Variants in MED1 observed in about 807,000 individuals in gnomAD.
The protein encoded by MED1 is mediator complex subunit 1, also known as mediator of RNA polymerase II transcription subunit 1.
Under a neutral mutation model 121.3 loss-of-function variants are expected in MED1, and 17 were observed. That is an observed-to-expected ratio of 0.14 (90% confidence interval 0.10 to 0.21). The LOEUF is 0.21. MED1 is among the 10% of genes least tolerant of loss of function. The pLI is 1.00. For synonymous variants in MED1, 661 were observed against 694.4 expected (o/e 0.95, Z 0.76); for missense variants, 1,558 against 1,919.4 (o/e 0.81, Z 3.52).
intron 2 of MED1, 134 bp downstream of exon 2, chr17:39,447,664 G>A: frequency 1.8e-6 from 1 of 559,304 alleles, no homozygotes; most frequent in Non-Finnish European, 3.2e-6. Context: ...AGATACAATA[G>A]ACTCCTAAAG....
At chr17:39,423,271 T>G (rs528433988) in intron 13 of MED1, 56 bp downstream of exon 13, 1 of 1,278,160 alleles carries the variant, frequency 7.8e-7, no homozygotes, top group East Asian at 2.3e-5. Context: ...AGGAAGATTA[T>G]GATCTTGGGT....
Position 39,405,344 on chromosome 17 carries a change from G to GA in MED1, c.*2130_*2131insT, listed in dbSNP as rs1430019038. 2 of 1,591,282 alleles carry GA rather than the reference G, an allele frequency of 1.3e-6. No individual in the cohort carries two copies. The highest frequency in any genetic ancestry group is 2.7e-5 in the African/African-American group (2 of 74,610). The stretch of plus-strand genomic sequence containing the variant: ...GACAGAAAGAGAGAAAAGCTTCCCA[G>GA]TTTACTCATTTTGGTATTTGTTGGC... On this transcript the variant is annotated 3_prime_UTR_variant, in exon 17 of 17. Transcript: ENST00000300651.
Position 39,408,320 on chromosome 17 carries a change from GCTT to G in MED1, c.3898_3900del (p.Lys1300del). ...TTATCTATGACAGCTGTCAAGGACG[GCTT>G]CTTGTTTCTGCTGGGAGATTTTCCT... On this transcript the variant is annotated inframe_deletion, in exon 17 of 17. Transcript: ENST00000300651. This position sits in a 1 kb window ranked among gnomAD's most constrained non-coding sequence, Gnocchi z 4.7. The G allele has an allele frequency of 1.2e-6, 2 of 1,614,140 alleles. No homozygotes were observed. The highest frequency in any genetic ancestry group is 8.5e-7 in the Non-Finnish European group (1 of 1,180,024).
At chr17:39,430,863 G>A (rs1165080969) in intron 9 of MED1, among the ~76,000 whole-genome samples, 1 of 151,600 alleles carries the variant, frequency 6.6e-6, no homozygotes, top group Non-Finnish European at 1.5e-5. Flanking sequence ...ACCAACAATA[G>A]AATAAATTAG....
At chr17:39,422,445 A>G (rs71369760) in intron 13 of MED1, among the ~76,000 whole-genome samples, 7,285 of 141,594 alleles carry the variant, frequency 0.051, 602 homozygotes, top group African/African-American at 0.18. Flanking sequence ...GGGATTAGAC[A>G]TGTGAAACAC....
rs1169480042 is a variant in MED1 at position 39,407,309 on chromosome 17, G to A, written c.*166C>T. 2.9e-6 allele frequency: 4 copies of A among 1,367,310 alleles called. No homozygotes were observed. Among genetic ancestry groups the A allele is most frequent in the Non-Finnish European group, 3.8e-6 (4 of 1,065,224 alleles). The allele number at this position is 1,367,310 out of a possible 1,614,324, so 84.7% of individuals were successfully genotyped here. A position where few individuals can be genotyped will look rare whatever the true frequency, so the allele number is the denominator to read the frequency against. ...TCAAACCCTGTGGTTTCTTTAATAGGGTCTGGATATGCCTTTCTAATTCAC... is the reference window on the plus strand; with the variant it reads ...TCAAACCCTGTGGTTTCTTTAATAGAGTCTGGATATGCCTTTCTAATTCAC... On this transcript the variant is annotated 3_prime_UTR_variant, in exon 17 of 17. Coordinates refer to ENST00000300651, the MANE Select transcript of MED1 (RefSeq NM_004774.4).
Position 39,409,858 on chromosome 17 carries a change from T to C in MED1, c.2363A>G (p.Glu788Gly). The change falls in exon 17 of 17, where the codon GAA becomes GGA. Residue 788 changes from glutamate to glycine, a missense_variant. This residue lies in a region of MED1 where 793 missense variants were observed against 898.2 expected (regional missense o/e 0.88). Coordinates refer to ENST00000300651, the MANE Select transcript of MED1 (RefSeq NM_004774.4). ...DVTDILSDIAEEASKLPSTSD... is the reference protein window; with the variant it reads ...DVTDILSDIAGEASKLPSTSD... ...AGTGCTGGGAAGTTTAGAAGCTTCT[T>C]CTGCAATGTCTGAAAGGATGTCAGT... 1.9e-6 allele frequency: 3 copies of C among 1,614,170 alleles called. No individual in the cohort carries two copies. The highest frequency in any genetic ancestry group is 2.5e-6 in the Non-Finnish European group (3 of 1,180,032).
chr17:39,447,941 T>C, intron 1 of MED1, 37 bp from the exon 2 acceptor site: 1 of 1,364,062 alleles, frequency 7.3e-7, no homozygotes, highest in Non-Finnish European at 1.0e-6. Flanking sequence ...CAGTAACTGT[T>C]CTATCAAGAC....
chr17:39,419,950 T>A (rs1396925603), intron 13 of MED1, 32 bp from the exon 14 acceptor site: 1 of 1,592,168 alleles, frequency 6.3e-7, no homozygotes, highest in Non-Finnish European at 8.6e-7. Context: ...CGAGTGCTAT[T>A]TAGTTACCTA....
intron 10 of MED1, 98 bp from the exon 11 acceptor site, chr17:39,424,836 T>G (rs2048499837): frequency 6.9e-6 from 5 of 720,662 alleles, no homozygotes; most frequent in Non-Finnish European, 9.7e-6. Context: ...ATTTGTCAGC[T>G]ATAATTTATC....
chr17:39,417,159 G>A (rs1330964571), intron 14 of MED1, among the ~76,000 whole-genome samples: 3 of 151,946 alleles, frequency 2.0e-5, no homozygotes, highest in African/African-American at 4.8e-5. Context: ...ACGAAACCCC[G>A]TCTCTGGTAA....
chr17:39,427,691 A>G lies in MED1; in HGVS notation c.739+10T>C. The G allele has an allele frequency of 6.4e-7, 1 of 1,564,412 alleles. No individual in the cohort carries two copies. Among genetic ancestry groups the G allele is most frequent in the Non-Finnish European group, 8.8e-7 (1 of 1,138,710 alleles). ...CAAAACCTTTAATTCCTTTACAATT[A>G]AAGTCTTACCATTATTCTCATGCAA... On this transcript the variant is annotated intron_variant, in intron 10 of 16. Transcript: ENST00000300651.
At chr17:39,422,469 GTTTTTTTTTTTT>G (rs750032186) in intron 13 of MED1, among the ~76,000 whole-genome samples, 2 of 74,340 alleles carry the variant, frequency 2.7e-5, no homozygotes, top group Non-Finnish European at 4.8e-5. Context: ...GCCCAGCCTC[GTTTTTTTTTTTT>G]TTTTTTTTTT....
Position 39,405,459 on chromosome 17 carries a change from A to ATTT in MED1, c.*2013_*2015dup. The ATTT allele has an allele frequency of 1.9e-6, 2 of 1,077,580 alleles. No homozygotes were observed. Among genetic ancestry groups the ATTT allele is most frequent in the Non-Finnish European group, 1.2e-6 (1 of 816,852 alleles). 66.8% of individuals were successfully genotyped at this position (1,077,580 alleles called of 1,614,324 possible). ...AGAACAAATTTTAAAAACCACATAA[A>ATTT]TTTTTTTTTTTTTCCTGCAGAAACC... On this transcript the variant is annotated 3_prime_UTR_variant, in exon 17 of 17. Transcript: ENST00000300651.
Position 39,447,790 on chromosome 17 carries a change from A to ATCCT in MED1, c.132+4_132+7dup. 6.2e-7 allele frequency: 1 copy of ATCCT among 1,600,922 alleles called. No individual in the cohort carries two copies. The highest frequency in any genetic ancestry group is 8.6e-7 in the Non-Finnish European group (1 of 1,169,278). ...AAAACACTTTACCCACTTCACCACAATCCTTACCATGACTTGACGCACAAG... is the reference window on the plus strand; with the variant it reads ...AAAACACTTTACCCACTTCACCACAATCCTTCCTTACCATGACTTGACGCACAAG... On this transcript the variant is annotated splice_region_variant and intron_variant, in intron 2 of 16. Coordinates refer to ENST00000300651, the MANE Select transcript of MED1 (RefSeq NM_004774.4).
chr17:39,434,147 A>T (rs966565966), intron 7 of MED1, 102 bp downstream of exon 7: 1 of 708,090 alleles, frequency 1.4e-6, no homozygotes, highest in Admixed American at 3.3e-5. Context: ...AGAAACTAGG[A>T]GTGACAAACA....
intron 5 of MED1, among the ~76,000 whole-genome samples, chr17:39,439,875 T>G (rs1411472720): frequency 6.7e-6 from 1 of 148,822 alleles, no homozygotes; most frequent in Non-Finnish European, 1.5e-5. Flanking sequence ...GAGGCAGAGA[T>G]TACAGTGAGC....
intron 16 of MED1, among the ~76,000 whole-genome samples, chr17:39,414,615 G>A (rs1247604568): frequency 1.5e-5 from 2 of 130,542 alleles, no homozygotes; most frequent in South Asian, 5.4e-4. Flanking sequence ...GATTACAGGC[G>A]TGAGCCACCA....
chr17:39,443,133 C>T lies in MED1; in HGVS notation c.211+417G>A, dbSNP rs2048695515. On this transcript the variant is annotated intron_variant, in intron 3 of 16. Transcript: ENST00000300651. ...TCTCCTGCCTCAGCCTCCCGAGAAG[C>T]TGGGATTATAGGTGCCCGCCACCAC... Among the ~76,000 whole-genome samples the T allele has an allele frequency of 2.0e-5, 3 of 150,632 alleles. No homozygotes were observed. The South Asian group carries it at 6.3e-4, about 32-fold the overall frequency.
Sources: gnomAD v4.1 joint callset for allele counts (sites outside exome capture counted in the v4.1 genomes callset) on GRCh38, gnomAD v4.1.1 for gene constraint, gnomAD v4.1.1 regional missense constraint, Gnocchi (gnomAD v3.1) non-coding constraint, MANE v1.5 for transcripts, NCBI Gene and HGNC (gene_info 2026-07-23, HGNC 2026-07-21) for gene names.